Variants in RFWD3 observed in about 807,000 individuals in gnomAD.
RFWD3 encodes the protein E3 ubiquitin-protein ligase RFWD3.
Under a neutral mutation model 87.7 loss-of-function variants are expected in RFWD3, and 65 were observed. The observed-to-expected ratio is 0.74, with a 90% confidence interval of 0.61 to 0.91. RFWD3 has a LOEUF of 0.91. RFWD3 is among the 40% of genes least tolerant of loss of function. The pLI, the probability that RFWD3 is intolerant of heterozygous loss-of-function variation, is 0.00. For synonymous variants in RFWD3, 433 were observed against 352.8 expected, an observed-to-expected ratio of 1.23 and a Z score of -2.55; for missense variants, 1,078 against 938.5, an observed-to-expected ratio of 1.15 and a Z score of -1.94.
intron 7 of RFWD3, among the ~76,000 whole-genome samples, chr16:74,636,963 T>C (rs1488984749): frequency 6.6e-6 from 1 of 151,908 alleles, no homozygotes; most frequent in African/African-American, 2.4e-5. Flanking sequence ...TCCACCCGCC[T>C]CGGCCGCCCA....
Position 74,661,314 on chromosome 16 carries a change from T to C in RFWD3, c.136A>G (p.Ser46Gly). The change falls in exon 2 of 13, where the codon AGC (serine) becomes GGC (glycine). Residue 46 changes from serine (S) to glycine (G), a missense_variant. Physicochemically the swap from Ser to Gly is moderately conservative, Grantham distance 56. Coordinates refer to ENST00000361070, the MANE Select transcript of RFWD3 (RefSeq NM_018124.4). ...TGGAGGATGGATGGTACCCCCTGGC[T>C]GCTGACCACATCAGCAGGAACAGGC... ...LQPVPADVVS[S>G]QGVPSILQPA... 6.2e-7 allele frequency: 1 copy of C among 1,614,014 alleles called. No individual in the cohort carries two copies. Among genetic ancestry groups the C allele is most frequent in the Non-Finnish European group, 8.5e-7 (1 of 1,179,994 alleles).
chr16:74,631,064 C>A, intron 9 of RFWD3, 107 bp from the exon 10 acceptor site: 1 of 973,290 alleles, frequency 1.0e-6, no homozygotes, highest in Non-Finnish European at 1.5e-6. Context: ...TGAGAACACA[C>A]TCATACTCCC....
intron 6 of RFWD3, 34 bp downstream of exon 6, chr16:74,644,328 G>A: frequency 6.2e-7 from 1 of 1,602,438 alleles, no homozygotes; most frequent in Non-Finnish European, 8.5e-7. Context: ...AACCAAAAGG[G>A]AACATTCCAG....
Position 74,637,940 on chromosome 16 carries a change from T to C in RFWD3, c.1110A>G (p.Lys370=), listed in dbSNP as rs146972288. ...ACTGTGCTGATTCTAACTCGGCCTG[T>C]TTCCTTAGCATCTGTTCCTTCAGTA... ...SSLLKEQMLR[K]QAELESAQCR... The change falls in exon 7 of 13, where the codon AAA becomes AAG. Residue 370 remains lysine (K), a synonymous_variant. Transcript: ENST00000361070. The C allele has an allele frequency of 1.2e-6, 2 of 1,612,072 alleles. No individual in the cohort carries two copies. Among genetic ancestry groups the C allele is most frequent in the Non-Finnish European group, 1.7e-6 (2 of 1,179,666 alleles).
intron 6 of RFWD3, among the ~76,000 whole-genome samples, chr16:74,642,843 A>G (rs938633905): frequency 6.6e-6 from 1 of 152,220 alleles, no homozygotes; most frequent in African/African-American, 2.4e-5. Context: ...TTAAGATTTG[A>G]TAAAATTGGG....
At chr16:74,638,055 A>T in intron 6 of RFWD3, 85 bp from the exon 7 acceptor site, 1 of 774,126 alleles carries the variant, frequency 1.3e-6, no homozygotes, top group African/African-American at 1.7e-5. Context: ...AGTTCATGCT[A>T]TGATGCACGT....
intron 12 of RFWD3, 134 bp from the exon 13 acceptor site, chr16:74,624,205 C>A (rs1958851759): frequency 1.9e-6 from 2 of 1,066,442 alleles, no homozygotes; most frequent in Non-Finnish European, 2.6e-6. Context: ...TGTCCCTAAC[C>A]TTTGCAAGGT....
chr16:74,635,830 T>C (rs1959191998), intron 8 of RFWD3, among the ~76,000 whole-genome samples: 2 of 152,352 alleles, frequency 1.3e-5, no homozygotes, highest in South Asian at 4.1e-4. Flanking sequence ...GACTTGGTTT[T>C]CAACATTTAG....
chr16:74,637,579 G>A (rs1235565564), intron 7 of RFWD3, among the ~76,000 whole-genome samples: 2 of 152,158 alleles, frequency 1.3e-5, no homozygotes, highest in Non-Finnish European at 2.9e-5. Context: ...GTTGCAGTGA[G>A]CCGAGATCAC....
intron 6 of RFWD3, among the ~76,000 whole-genome samples, chr16:74,642,006 T>G (rs1029649341): frequency 5.3e-5 from 8 of 150,528 alleles, no homozygotes; most frequent in Non-Finnish European, 1.2e-4. Flanking sequence ...CTATGTATAA[T>G]TTACAAATAC....
chr16:74,660,368 G>C (rs912579588), intron 2 of RFWD3, among the ~76,000 whole-genome samples: 6 of 152,198 alleles, frequency 3.9e-5, no homozygotes, highest in African/African-American at 1.4e-4. Context: ...CAGGAGAATC[G>C]CTTGAATCTG....
chr16:74,660,921 T>G lies in RFWD3; in HGVS notation c.518+11A>C. ...AGCAATGATCACAGACTTATCCATA[T>G]ATTTATTTACCTGGCACTGTCTGTC... On this transcript the variant is annotated intron_variant, in intron 2 of 12. Transcript: ENST00000361070. 5 of 1,604,944 alleles carry G rather than the reference T, an allele frequency of 3.1e-6. No homozygotes were observed. The highest frequency in any genetic ancestry group is 4.3e-6 in the Non-Finnish European group (5 of 1,173,998).
At chr16:74,660,890 T>C (rs1256253064) in intron 2 of RFWD3, 42 bp downstream of exon 2, 2 of 1,555,768 alleles carry the variant, frequency 1.3e-6, no homozygotes, top group Non-Finnish European at 1.7e-6. Context: ...TCATAATTTC[T>C]AGTACAGCAA....
At chr16:74,635,389 T>A (rs530899788) in intron 8 of RFWD3, among the ~76,000 whole-genome samples, 62 of 151,520 alleles carry the variant, frequency 4.1e-4, no homozygotes, top group African/African-American at 1.5e-3. Flanking sequence ...ATCTCTTGAA[T>A]CCAGGAGGCA....
intron 1 of RFWD3, among the ~76,000 whole-genome samples, chr16:74,665,722 T>G (rs1044427471): frequency 2.0e-5 from 3 of 151,480 alleles, no homozygotes; most frequent in Non-Finnish European, 2.9e-5. Flanking sequence ...CCAGCCTGGG[T>G]GCAACAGGGA....
In RFWD3 at chr16:74,626,367, C is replaced by T. The variant is rs1239352395; in HGVS notation, c.2157G>A (p.Gly719=). 1 of 1,614,042 alleles carries T rather than the reference C, an allele frequency of 6.2e-7. No homozygotes were observed. Among genetic ancestry groups the T allele is most frequent in the Non-Finnish European group, 8.5e-7 (1 of 1,179,992 alleles). Residue 719 remains glycine, a synonymous_variant, in exon 12 of 13, where the codon GGG becomes GGA. Coordinates refer to ENST00000361070, the MANE Select transcript of RFWD3 (RefSeq NM_018124.4). The part of the protein sequence containing the change: ...ENDGNILVCT[G]DEAANSALLW... ...CCAGGGCAGAATTTGCTGCTTCATC[C>T]CCAGTACACACCAGGATGTTGCCAT...
At chr16:74,655,115 C>T (rs186066800) in intron 2 of RFWD3, among the ~76,000 whole-genome samples, 208 of 151,780 alleles carry the variant, frequency 1.4e-3, no homozygotes, top group African/African-American at 4.6e-3. Context: ...ATGAAACACC[C>T]CTCTATTGGA....
Position 74,649,116 on chromosome 16 carries a change from A to T in RFWD3, c.792+16T>A. The T allele has an allele frequency of 6.5e-7, 1 of 1,532,872 alleles. No homozygotes were observed. Among genetic ancestry groups the T allele is most frequent in the Non-Finnish European group, 8.9e-7 (1 of 1,127,320 alleles). The allele number at this position is 1,532,872 out of a possible 1,614,324, so 95.0% of individuals were successfully genotyped here. ...AAATAAATAAATAGATTTTTTTAAA[A>T]TGATGTTCATATTACCTGTTTGGGG... On this transcript the variant is annotated intron_variant, in intron 4 of 12. Transcript: ENST00000361070.
chr16:74,624,257 C>A (rs956966287), intron 12 of RFWD3, among the ~76,000 whole-genome samples, 186 bp from the exon 13 acceptor site: 1 of 152,210 alleles, frequency 6.6e-6, no homozygotes, highest in Non-Finnish European at 1.5e-5. Context: ...GGTACAGCCT[C>A]ACCTACTGTA....
Sources: gnomAD v4.1 joint callset for allele counts (sites outside exome capture counted in the v4.1 genomes callset) on GRCh38, gnomAD v4.1.1 for gene constraint, MANE v1.5 for transcripts, NCBI Gene and HGNC (gene_info 2026-07-23, HGNC 2026-07-21) for gene names.